The following SSBP2 variants were observed in gnomAD, a reference collection of about 807,000 sequenced individuals.
SSBP2 encodes single-stranded DNA-binding protein 2.
Under a neutral mutation model 61.8 loss-of-function variants are expected in SSBP2, and 17 were observed. The observed-to-expected ratio is 0.28, with a 90% CI of 0.19 to 0.41. The LOEUF (loss-of-function observed/expected upper bound fraction) is 0.41, where lower values mean the gene tolerates loss of function less well. SSBP2 is among the 10% of genes least tolerant of loss of function. The pLI, the probability that SSBP2 is intolerant of heterozygous loss-of-function variation, is 1.00. For synonymous variants in SSBP2, 139 were observed against 141.3 expected (o/e 0.98, Z 0.12); for missense variants, 310 against 458.7 (o/e 0.68, Z 2.96).
In SSBP2 at chr5:81,436,974, C is replaced by G. The variant is rs76061201; in HGVS notation, c.957+456G>C. ...GGACTAGAATAATTATTGTGGAAAT[C>G]AGCATTTCCTAATGAAGATTTGCAA... On this transcript the variant is annotated intron_variant, in intron 15 of 16. Transcript: ENST00000320672. Among the ~76,000 whole-genome samples, 8 of 152,188 alleles carry G rather than the reference C, an allele frequency of 5.3e-5. No homozygotes were observed. The East Asian group carries it at 1.5e-3, about 29-fold the overall frequency.
chr5:81,731,082 G>A (rs1756232823), intron 1 of SSBP2, among the ~76,000 whole-genome samples: 1 of 152,078 alleles, frequency 6.6e-6, no homozygotes, highest in Non-Finnish European at 1.5e-5. Context: ...GAAAACAAGT[G>A]GGTTCCAATG....
intron 5 of SSBP2, among the ~76,000 whole-genome samples, chr5:81,501,702 A>G (rs1386726679): frequency 6.6e-6 from 1 of 151,126 alleles, no homozygotes; most frequent in Non-Finnish European, 1.5e-5. Flanking sequence ...AGCTGGGACT[A>G]CAGGCGCCCA....
rs1298841219 is a variant in SSBP2, at chr5:81,513,677, G to A, written c.323C>T (p.Pro108Leu). 1 of 1,613,068 alleles carries A rather than the reference G, an allele frequency of 6.2e-7. No individual in the cohort carries two copies. Among genetic ancestry groups the A allele is most frequent in the South Asian group, 1.1e-5 (1 of 91,046 alleles). The change falls in exon 5 of 17, where the codon CCC (proline) becomes CTC (leucine). Residue 108 changes from proline (P) to leucine (L), a missense_variant. This residue lies in a region of SSBP2 where 209 missense variants were observed against 286.4 expected (regional missense o/e 0.73). Transcript: ENST00000320672. ...ACCTACTGGCATGCCATCTCCTGGG[G>A]GAATGTTTCCTAGCACTGGACTGGG... is the stretch of plus-strand genomic sequence containing the variant.
intron 4 of SSBP2, among the ~76,000 whole-genome samples, chr5:81,576,162 C>CAT (rs975989001): frequency 6.6e-6 from 1 of 151,700 alleles, no homozygotes; most frequent in African/African-American, 2.4e-5. Flanking sequence ...GCACAGTCTA[C>CAT]ATCTCCTTCT....
intron 10 of SSBP2, among the ~76,000 whole-genome samples, chr5:81,449,492 T>C (rs746625835): frequency 3.3e-5 from 5 of 152,208 alleles, no homozygotes; most frequent in Non-Finnish European, 5.9e-5. Flanking sequence ...TAAGATGCTG[T>C]ACATCCATAA....
At chr5:81,675,962 T>G (rs1001400732) in intron 1 of SSBP2, among the ~76,000 whole-genome samples, 1 of 152,146 alleles carries the variant, frequency 6.6e-6, no homozygotes, top group Non-Finnish European at 1.5e-5. Context: ...CGTCAGTCAA[T>G]AGAAAACAGC....
At chr5:81,543,931 T>C (rs1370223140) in intron 4 of SSBP2, among the ~76,000 whole-genome samples, 1 of 152,230 alleles carries the variant, frequency 6.6e-6, no homozygotes, top group Non-Finnish European at 1.5e-5. Flanking sequence ...TGTGCAATAC[T>C]GAAATAAACA....
chr5:81,573,433 G>C (rs149973880), intron 4 of SSBP2, among the ~76,000 whole-genome samples: 2 of 152,182 alleles, frequency 1.3e-5, no homozygotes, highest in African/African-American at 2.4e-5. Context: ...ATAATTCAGA[G>C]CAAAAATTAG....
chr5:81,489,450 A>G (rs1017803485), intron 5 of SSBP2, 141 bp from the exon 6 acceptor site: 1 of 638,446 alleles, frequency 1.6e-6, no homozygotes, highest in African/African-American at 1.9e-5. Flanking sequence ...CAGCATAATA[A>G]ATGCTTTTAA....
chr5:81,520,521 T>C (rs1769393659), intron 4 of SSBP2, among the ~76,000 whole-genome samples: 1 of 152,164 alleles, frequency 6.6e-6, no homozygotes, highest in Non-Finnish European at 1.5e-5. Flanking sequence ...TAATAAAAGA[T>C]ATGCTTTAAT....
intron 4 of SSBP2, among the ~76,000 whole-genome samples, chr5:81,562,350 G>A (rs543530712): frequency 2.0e-5 from 3 of 152,256 alleles, no homozygotes; most frequent in South Asian, 4.1e-4. Flanking sequence ...CCCATTAAGG[G>A]AGAGGAATAT....
At chr5:81,430,250 A>G (rs1762203799) in intron 15 of SSBP2, among the ~76,000 whole-genome samples, 1 of 152,210 alleles carries the variant, frequency 6.6e-6, no homozygotes, top group Admixed American at 6.5e-5. Flanking sequence ...TAATTTATAA[A>G]TTCTTTTGGA....
chr5:81,626,942 G>C (rs779904964), intron 3 of SSBP2, among the ~76,000 whole-genome samples: 2 of 152,020 alleles, frequency 1.3e-5, no homozygotes, highest in African/African-American at 2.4e-5. Context: ...ATTTGACCTT[G>C]GGCAAATAGT....
chr5:81,508,500 T>G (rs1362479677), intron 5 of SSBP2, among the ~76,000 whole-genome samples: 4 of 152,196 alleles, frequency 2.6e-5, no homozygotes, highest in African/African-American at 9.6e-5. Context: ...CAACAGAGGC[T>G]CTCTCATTTC....
chr5:81,629,228 A>C (rs1417887093), intron 3 of SSBP2, among the ~76,000 whole-genome samples: 9 of 151,690 alleles, frequency 5.9e-5, no homozygotes, highest in Admixed American at 1.3e-4. Context: ...CAGGTGATCC[A>C]CCCGCCTTGG....
At chr5:81,491,758 C>T (rs1440071406) in intron 5 of SSBP2, among the ~76,000 whole-genome samples, 1 of 152,038 alleles carries the variant, frequency 6.6e-6, no homozygotes, top group Non-Finnish European at 1.5e-5. Flanking sequence ...CTAATCTTCA[C>T]ACAATTAAAG....
chr5:81,464,633 C>G (rs911316639), intron 9 of SSBP2, among the ~76,000 whole-genome samples: 4 of 152,084 alleles, frequency 2.6e-5, no homozygotes. Context: ...TCATCATACT[C>G]TCATGGCAAA....
intron 6 of SSBP2, among the ~76,000 whole-genome samples, chr5:81,487,396 T>C (rs1028845105): frequency 2.0e-5 from 3 of 152,144 alleles, no homozygotes; most frequent in East Asian, 1.9e-4. Context: ...TTTAGAGCTC[T>C]TGTAGATTAA....
At chr5:81,442,554 A>G in intron 13 of SSBP2, 99 bp downstream of exon 13, 1 of 673,806 alleles carries the variant, frequency 1.5e-6, no homozygotes, top group East Asian at 3.1e-5. Context: ...GCTCCTGGAT[A>G]ATAAAATATA....
Sources: gnomAD v4.1 joint callset for allele counts (sites outside exome capture counted in the v4.1 genomes callset) on GRCh38, gnomAD v4.1.1 for gene constraint, gnomAD v4.1.1 regional missense constraint, MANE v1.5 for transcripts, NCBI Gene and HGNC (gene_info 2026-07-23, HGNC 2026-07-21) for gene names.